KIAA0825: variants seen among roughly 807,000 people sequenced by gnomAD.
The protein encoded by KIAA0825 is uncharacterized protein KIAA0825.
Under a neutral mutation model 147.6 loss-of-function variants are expected in KIAA0825, and 119 were observed. The ratio of observed to expected loss-of-function variants is 0.81; its 90% CI spans 0.69 to 0.94. The LOEUF is 0.94. Among genes scored for constraint, KIAA0825 ranks in the 40% least tolerant of loss-of-function variants. The pLI is 0.00. For synonymous variants in KIAA0825, 470 were observed against 518.1 expected, an observed-to-expected ratio of 0.91 and a Z score of 1.26; for missense variants, 1,381 against 1,472.7, an observed-to-expected ratio of 0.94 and a Z score of 1.02.
chr5:94,614,872 C>T (rs1236018973), intron 1 of KIAA0825, among the ~76,000 whole-genome samples: 1 of 152,138 alleles, frequency 6.6e-6, no homozygotes. Flanking sequence ...TTCATATCCA[C>T]TAATCTTTTA....
At chr5:94,604,964 G>A (rs912202985) in intron 1 of KIAA0825, among the ~76,000 whole-genome samples, 1 of 151,684 alleles carries the variant, frequency 6.6e-6, no homozygotes, top group Non-Finnish European at 1.5e-5. Context: ...TCCAGGAGCT[G>A]GATTTCAAAA....
At chr5:94,603,575 T>C (rs896768575) in intron 1 of KIAA0825, among the ~76,000 whole-genome samples, 3 of 152,084 alleles carry the variant, frequency 2.0e-5, no homozygotes, top group Non-Finnish European at 4.4e-5. Context: ...CATATAACAA[T>C]ATCAACCTTA....
intron 16 of KIAA0825, among the ~76,000 whole-genome samples, chr5:94,396,943 T>G (rs1396499190): frequency 7.9e-5 from 12 of 152,074 alleles, no homozygotes; most frequent in Non-Finnish European, 1.0e-4. Flanking sequence ...CTCCTTTCAG[T>G]TCTCAACCCA....
intron 11 of KIAA0825, among the ~76,000 whole-genome samples, chr5:94,463,473 A>G (rs1014235698): frequency 2.7e-5 from 4 of 150,634 alleles, no homozygotes; most frequent in Admixed American, 2.7e-4. Context: ...CTGGAATACT[A>G]AAAGAATCAA....
At chr5:94,331,755 GA>G in intron 20 of KIAA0825, among the ~76,000 whole-genome samples, 1 of 151,716 alleles carries the variant, frequency 6.6e-6, no homozygotes, top group South Asian at 2.1e-4. Context: ...ATTAACAAGT[GA>G]AAAAAAGAAA....
intron 2 of KIAA0825, among the ~76,000 whole-genome samples, chr5:94,541,937 T>C (rs1288630362): frequency 6.6e-6 from 1 of 152,250 alleles, no homozygotes; most frequent in Admixed American, 6.5e-5. Context: ...CTTATAATTC[T>C]AAAATGACTT....
chr5:94,525,548 A>T (rs1769107179), intron 3 of KIAA0825, among the ~76,000 whole-genome samples: 1 of 151,978 alleles, frequency 6.6e-6, no homozygotes, highest in African/African-American at 2.4e-5. Context: ...ACGTCTGACA[A>T]GAGATTGGCT....
chr5:94,569,891 A>ATCC (rs1779587672), intron 2 of KIAA0825: 1 of 159,782 alleles, frequency 6.3e-6, no homozygotes, highest in Non-Finnish European at 1.4e-5. Context: ...CATTGGTATT[A>ATCC]TCCTCTTATT....
At chr5:94,397,504 A>G (rs1273027795) in intron 16 of KIAA0825, among the ~76,000 whole-genome samples, 1 of 152,188 alleles carries the variant, frequency 6.6e-6, no homozygotes, top group East Asian at 1.9e-4. Flanking sequence ...TAATTTTTAA[A>G]TGATTCTCAA....
At chr5:94,420,741 G>GA (rs775244391) in intron 14 of KIAA0825, among the ~76,000 whole-genome samples, 6 of 152,088 alleles carry the variant, frequency 3.9e-5, no homozygotes, top group Non-Finnish European at 7.4e-5. Context: ...GGGAAGAAAA[G>GA]AAGGAAGGAA....
intron 7 of KIAA0825, 40 bp from the exon 8 acceptor site, chr5:94,473,559 T>G: frequency 8.1e-7 from 1 of 1,232,936 alleles, no homozygotes. Context: ...TAATCTTAAC[T>G]CAGCAACAAA....
intron 2 of KIAA0825, among the ~76,000 whole-genome samples, chr5:94,562,408 A>G (rs1045338050): frequency 6.6e-5 from 10 of 152,220 alleles, no homozygotes; most frequent in African/African-American, 2.4e-4. Flanking sequence ...CAGTGAATCT[A>G]TCATATCAAC....
intron 20 of KIAA0825, among the ~76,000 whole-genome samples, chr5:94,214,526 T>C (rs1452191318): frequency 6.6e-6 from 1 of 152,164 alleles, no homozygotes; most frequent in Non-Finnish European, 1.5e-5. Flanking sequence ...TTAGTTGCTC[T>C]GAGCCCTCCA....
intron 20 of KIAA0825, among the ~76,000 whole-genome samples, chr5:94,169,321 C>T (rs897079083): frequency 2.0e-5 from 3 of 152,096 alleles, no homozygotes; most frequent in Non-Finnish European, 2.9e-5. Context: ...ATGGTTCATG[C>T]CTGTAATCTC....
At chr5:94,256,747 G>A (rs1055900337) in intron 20 of KIAA0825, among the ~76,000 whole-genome samples, 1 of 152,062 alleles carries the variant, frequency 6.6e-6, no homozygotes, top group Non-Finnish European at 1.5e-5. Context: ...AGGCTTCCAG[G>A]GGCCATGAAC....
intron 20 of KIAA0825, among the ~76,000 whole-genome samples, chr5:94,261,196 G>T (rs1010834276): frequency 6.6e-6 from 1 of 151,638 alleles, no homozygotes; most frequent in Non-Finnish European, 1.5e-5. Context: ...CCAGCTACTT[G>T]GGAGGCTGAG....
At chr5:94,533,696 G>C (rs1326232896) in intron 3 of KIAA0825, among the ~76,000 whole-genome samples, 1 of 152,208 alleles carries the variant, frequency 6.6e-6, no homozygotes, top group African/African-American at 2.4e-5. Flanking sequence ...TAATGATACG[G>C]AGGTACAACA....
intron 20 of KIAA0825, among the ~76,000 whole-genome samples, chr5:94,213,953 C>A (rs1161841063): frequency 6.6e-6 from 1 of 152,176 alleles, no homozygotes; most frequent in Non-Finnish European, 1.5e-5. Flanking sequence ...ATGATAGGAA[C>A]TGTGTCTTAT....
intron 20 of KIAA0825, among the ~76,000 whole-genome samples, chr5:94,160,549 ATGT>A (rs1767464935): frequency 6.7e-6 from 1 of 148,520 alleles, no homozygotes; most frequent in Admixed American, 6.8e-5. Context: ...ACATATATGT[ATGT>A]TAAGTATAAA....
Sources: gnomAD v4.1 joint callset for allele counts (sites outside exome capture counted in the v4.1 genomes callset) on GRCh38, gnomAD v4.1.1 for gene constraint, MANE v1.5 for transcripts, NCBI Gene and HGNC (gene_info 2026-07-23, HGNC 2026-07-21) for gene names.